CENPP: variants seen among roughly 807,000 people sequenced by gnomAD.
CENPP encodes centromere protein P.
Under a neutral mutation model 35.6 loss-of-function variants are expected in CENPP, and 24 were observed. The ratio of observed to expected loss-of-function variants is 0.67; its 90% CI spans 0.49 to 0.95. The LOEUF (loss-of-function observed/expected upper bound fraction) is 0.95. Among genes scored for constraint, CENPP ranks in the 40% least tolerant of loss-of-function variants. The probability of loss-of-function intolerance (pLI) is 0.00; values close to 1 mark genes in which losing one functional copy is unlikely to be tolerated. For synonymous variants in CENPP, 120 were observed against 125.5 expected (o/e 0.96, Z 0.29); for missense variants, 332 against 345.3 (o/e 0.96, Z 0.31).
chr9:92,410,055 G>A (rs146577868), intron 5 of CENPP, among the ~76,000 whole-genome samples: 4,671 of 152,158 alleles, frequency 0.031, 112 homozygotes, highest in South Asian at 0.084. Context: ...TCCTGCTTCA[G>A]CCTCCCAAGT....
chr9:92,371,387 ATGT>A (rs1325374318), intron 4 of CENPP, among the ~76,000 whole-genome samples: 2 of 152,126 alleles, frequency 1.3e-5, no homozygotes, highest in Non-Finnish European at 2.9e-5. Context: ...ATTCAGGAAC[ATGT>A]TGTTTAATTT....
Position 92,352,507 on chromosome 9 carries a change from A to G in CENPP, c.467+6720A>G, listed in dbSNP as rs867383652. On this transcript the variant is annotated intron_variant, in intron 4 of 7. Coordinates refer to ENST00000375587, the MANE Select transcript of CENPP (RefSeq NM_001012267.3). ...TGTGTGTGTGTGTGTGTGTGTGTGT[A>G]TACATATATATATATATATATATAT... 4.0e-3 allele frequency among the ~76,000 whole-genome samples: 225 copies of G among 56,878 alleles called. 4 individuals are homozygous for G. Among genetic ancestry groups the G allele is most frequent in the African/African-American group, 0.025 (166 of 6,558 alleles). The allele number at this position is 56,878 out of a possible 152,430, so 37.3% of individuals were successfully genotyped here.
intron 5 of CENPP, among the ~76,000 whole-genome samples, chr9:92,584,374 G>T (rs144408497): frequency 1.1e-4 from 16 of 152,060 alleles, no homozygotes; most frequent in African/African-American, 3.9e-4. Flanking sequence ...TTTGAGACAG[G>T]GTCTTACTCT....
At chr9:92,580,645 G>T (rs1179591045) in intron 5 of CENPP, among the ~76,000 whole-genome samples, 13 of 152,164 alleles carry the variant, frequency 8.5e-5, no homozygotes, top group Non-Finnish European at 4.4e-5. Context: ...GATCGGTGGT[G>T]ATATCCCCTT....
chr9:92,429,693 A>G, intron 5 of CENPP, among the ~76,000 whole-genome samples: 1 of 152,152 alleles, frequency 6.6e-6, no homozygotes, highest in Non-Finnish European at 1.5e-5. Context: ...AGGTTGAGGC[A>G]GGAGAATTCC....
chr9:92,470,645 G>A (rs759679562), intron 5 of CENPP: 2 of 1,221,528 alleles, frequency 1.6e-6, no homozygotes, highest in Non-Finnish European at 2.3e-6. Flanking sequence ...TTAAATCTTT[G>A]AAAGTATGAG....
chr9:92,487,067 C>T (rs1262200907), intron 5 of CENPP, among the ~76,000 whole-genome samples: 3 of 152,174 alleles, frequency 2.0e-5, no homozygotes, highest in African/African-American at 7.2e-5. Flanking sequence ...CAGGTGTGCA[C>T]CACCACACCC....
rs556264252 is a variant in CENPP, at chr9:92,616,980, C to G, written c.*3831C>G. The stretch of plus-strand genomic sequence containing the variant: ...CGAGGAGAGGAAATACTGATCAGCA[C>G]GTCCCTGCTCTGACGCTGCTCACCA... On this transcript the variant is annotated 3_prime_UTR_variant, in exon 8 of 8. Transcript: ENST00000375587. 6.6e-6 allele frequency: 1 copy of G among 152,360 alleles called. No individual in the cohort carries two copies. The highest frequency in any genetic ancestry group is 2.4e-5 in the African/African-American group (1 of 41,572). 9.4% of individuals were successfully genotyped at this position (152,360 alleles called of 1,614,324 possible). A position where few individuals can be genotyped will look rare whatever the true frequency, so the allele number is the denominator to read the frequency against.
Position 92,457,330 on chromosome 9 carries a change from AAC to A in CENPP, c.564+77475_564+77476del. ...CAAGCTGAACGCTCATTCTGCTCAA[AAC>A]ACAACGAAATGTTGCAGGTTGCATT... On this transcript the variant is annotated intron_variant, in intron 5 of 7. Coordinates refer to ENST00000375587, the MANE Select transcript of CENPP (RefSeq NM_001012267.3). The A allele has an allele frequency of 3.1e-6, 5 of 1,614,072 alleles. No individual in the cohort carries two copies. In the South Asian group the frequency reaches 5.5e-5, roughly 18 times the overall value.
In CENPP at chr9:92,616,549, T is replaced by C. The variant is rs1021834304; in HGVS notation, c.*3400T>C. Reference sequence around the variant, plus strand: ...ATGGAATGTCGACAAGCCTTCTTCTTTGCCTCTCCTGTCTGCTGAGAAACG... The same window carrying C: ...ATGGAATGTCGACAAGCCTTCTTCTCTGCCTCTCCTGTCTGCTGAGAAACG... On this transcript the variant is annotated 3_prime_UTR_variant, in exon 8 of 8. Coordinates refer to ENST00000375587, the MANE Select transcript of CENPP (RefSeq NM_001012267.3). 1.3e-5 allele frequency: 2 copies of C among 154,894 alleles called. No individual in the cohort carries two copies. Among genetic ancestry groups the C allele is most frequent in the African/African-American group, 4.8e-5 (2 of 41,432 alleles). The allele number at this position is 154,894 out of a possible 1,614,324, so 9.6% of individuals were successfully genotyped here.
chr9:92,587,854 G>A (rs375278579), intron 5 of CENPP, among the ~76,000 whole-genome samples: 36 of 152,280 alleles, frequency 2.4e-4, no homozygotes, highest in African/African-American at 7.0e-4. Flanking sequence ...AGCCAGGCAC[G>A]GTGGCTCACA....
At chr9:92,539,491 C>T (rs1456448545) in intron 5 of CENPP, among the ~76,000 whole-genome samples, 1 of 151,892 alleles carries the variant, frequency 6.6e-6, no homozygotes, top group Admixed American at 6.6e-5. Context: ...GATTGATTTG[C>T]GTTCAGTTGA....
chr9:92,420,282 T>G (rs1362368706), intron 5 of CENPP, among the ~76,000 whole-genome samples: 2 of 152,320 alleles, frequency 1.3e-5, no homozygotes, highest in East Asian at 1.9e-4. Context: ...CCCTCATCCA[T>G]ACCTCCCAAC....
intron 4 of CENPP, among the ~76,000 whole-genome samples, chr9:92,353,593 C>T (rs1841519538): frequency 6.6e-6 from 1 of 152,198 alleles, no homozygotes; most frequent in South Asian, 2.1e-4. Context: ...CACTGTAACT[C>T]CCTTCTTAGC....
intron 5 of CENPP, among the ~76,000 whole-genome samples, chr9:92,602,322 C>A (rs1013719863): frequency 6.6e-6 from 1 of 152,202 alleles, no homozygotes; most frequent in Non-Finnish European, 1.5e-5. Context: ...CGGAAAGCCA[C>A]CTTTTGGGAC....
chr9:92,467,014 A>G (rs564765249), intron 5 of CENPP, among the ~76,000 whole-genome samples: 8 of 152,268 alleles, frequency 5.3e-5, no homozygotes, highest in African/African-American at 1.7e-4. Flanking sequence ...TTTCATATTT[A>G]CTAATGTTTA....
intron 5 of CENPP, among the ~76,000 whole-genome samples, chr9:92,468,079 T>C (rs1448058448): frequency 6.6e-6 from 1 of 152,196 alleles, no homozygotes; most frequent in Non-Finnish European, 1.5e-5. Flanking sequence ...AAAGGTGACT[T>C]GCCTATGCCA....
At chr9:92,457,472 T>C (rs765013550) in intron 5 of CENPP, 2 of 1,607,408 alleles carry the variant, frequency 1.2e-6, no homozygotes, top group African/African-American at 1.3e-5. Flanking sequence ...TGAATTAGAA[T>C]GAAGGAAGAT....
chr9:92,352,467 CTGTGTGTGTGTGTGTGTG>C (rs61233585), intron 4 of CENPP, among the ~76,000 whole-genome samples: 2 of 71,344 alleles, frequency 2.8e-5, no homozygotes, highest in South Asian at 4.3e-4. Context: ...TGCTTAAAGC[CTGTGTGTGTGTGTGTGTG>C]TGTGTGTGTG....
Sources: gnomAD v4.1 joint callset for allele counts (sites outside exome capture counted in the v4.1 genomes callset) on GRCh38, gnomAD v4.1.1 for gene constraint, MANE v1.5 for transcripts, NCBI Gene and HGNC (gene_info 2026-07-23, HGNC 2026-07-21) for gene names.